Variants in SLC1A1 observed in about 807,000 individuals in gnomAD.
SLC1A1 encodes the protein solute carrier family 1 member 1.
A neutral mutation model predicts 53.3 loss-of-function variants in SLC1A1; 43 were observed. The observed-to-expected ratio is 0.81, with a 90% CI of 0.63 to 1.04. The LOEUF (loss-of-function observed/expected upper bound fraction) is 1.04. Ranked by LOEUF, SLC1A1 falls within the 50% of genes least tolerant of loss-of-function variation. SLC1A1 has a pLI of 0.00. For missense variants in SLC1A1, 748 were observed against 664.9 expected (o/e 1.12, Z -1.37); for synonymous variants, 307 against 243.2 (o/e 1.26, Z -2.44).
chr9:4,557,628 A>AAG, intron 2 of SLC1A1, among the ~76,000 whole-genome samples: 1 of 150,944 alleles, frequency 6.6e-6, no homozygotes, highest in East Asian at 1.9e-4. Flanking sequence ...TCTACAATTA[A>AAG]AAAAAAAAAT....
At chr9:4,536,995 A>G (rs1028981922) in intron 1 of SLC1A1, among the ~76,000 whole-genome samples, 2 of 152,140 alleles carry the variant, frequency 1.3e-5, no homozygotes, top group Admixed American at 1.3e-4. Flanking sequence ...TTGAACAATG[A>G]GAACACTTGG....
chr9:4,496,335 T>G (rs1249301001), intron 1 of SLC1A1, among the ~76,000 whole-genome samples: 1 of 152,024 alleles, frequency 6.6e-6, no homozygotes, highest in Non-Finnish European at 1.5e-5. Context: ...GGCACTTAGG[T>G]GTGAAAGAAT....
chr9:4,562,638 A>C (rs1819063851), intron 3 of SLC1A1, among the ~76,000 whole-genome samples: 1 of 152,062 alleles, frequency 6.6e-6, no homozygotes, highest in Admixed American at 6.6e-5. Context: ...AGAATGCCCA[A>C]TTCCCACCTA....
At chr9:4,516,496 A>C (rs1490546189) in intron 1 of SLC1A1, among the ~76,000 whole-genome samples, 2 of 152,056 alleles carry the variant, frequency 1.3e-5, no homozygotes, top group African/African-American at 4.8e-5. Flanking sequence ...TCAAACCTTT[A>C]CCCGACCCAA....
intron 1 of SLC1A1, among the ~76,000 whole-genome samples, chr9:4,511,796 A>T (rs1030658285): frequency 1.3e-5 from 2 of 152,218 alleles, no homozygotes; most frequent in African/African-American, 4.8e-5. Flanking sequence ...CTATTCACAG[A>T]TGGCATGATT....
At chr9:4,490,836 G>A (rs1427401901) in intron 1 of SLC1A1, 66 bp downstream of exon 1, 1 of 1,365,290 alleles carries the variant, frequency 7.3e-7, no homozygotes, top group Admixed American at 1.9e-5. Flanking sequence ...GGCCGCGTGC[G>A]GCTGAGGGTG....
intron 2 of SLC1A1, among the ~76,000 whole-genome samples, chr9:4,555,774 C>T (rs72691989): frequency 0.041 from 6,313 of 152,266 alleles, 207 homozygotes; most frequent in South Asian, 0.059. Flanking sequence ...CTCTCCTGCT[C>T]ATCTCAATCT....
intron 1 of SLC1A1, among the ~76,000 whole-genome samples, chr9:4,499,726 C>G (rs1031593142): frequency 1.3e-5 from 2 of 152,198 alleles, no homozygotes; most frequent in African/African-American, 4.8e-5. Flanking sequence ...TAGTGGTTGG[C>G]AAATATTGAA....
Position 4,582,263 on chromosome 9 carries a change from A to G in SLC1A1, c.1194-775A>G, listed in dbSNP as rs145041120. The stretch of plus-strand genomic sequence containing the variant: ...CTTACCAAGAGGGATCTTTTTAAAT[A>G]CCTGGTAATAAAGTTCACCTGGCTG... On this transcript the variant is annotated intron_variant, in intron 10 of 11. Coordinates refer to ENST00000262352, the MANE Select transcript of SLC1A1 (RefSeq NM_004170.6). Among the ~76,000 whole-genome samples, 17 of 152,334 alleles carry G rather than the reference A, an allele frequency of 1.1e-4. No individual in the cohort carries two copies. In the East Asian group the frequency reaches 3.1e-3, roughly 28 times the overall value.
intron 1 of SLC1A1, among the ~76,000 whole-genome samples, chr9:4,498,853 T>C (rs1820533011): frequency 6.7e-6 from 1 of 149,058 alleles, no homozygotes; most frequent in African/African-American, 2.5e-5. Flanking sequence ...ATATTGCTTA[T>C]ACTTTCTCTA....
At chr9:4,543,969 A>G (rs1328594987) in intron 1 of SLC1A1, among the ~76,000 whole-genome samples, 1 of 152,190 alleles carries the variant, frequency 6.6e-6, no homozygotes, top group African/African-American at 2.4e-5. Flanking sequence ...ACTTGAGGCC[A>G]GGAGTTCGAG....
intron 1 of SLC1A1, among the ~76,000 whole-genome samples, chr9:4,542,929 A>T (rs557616774): frequency 6.6e-6 from 1 of 152,370 alleles, no homozygotes; most frequent in Non-Finnish European, 1.5e-5. Context: ...AAAATGATTT[A>T]AAATTGTGTA....
rs561424908 is a variant in SLC1A1, at chr9:4,572,542, T to G, written c.767+154T>G. On this transcript the variant is annotated intron_variant, in intron 7 of 11. Transcript: ENST00000262352. ...CAGAGTATTTTGTGGGGGCTTTTGT[T>G]GCTGTTCTTTGTTTTTGTTTTAGAG... is the stretch of plus-strand genomic sequence containing the variant. 2.6e-4 allele frequency among the ~76,000 whole-genome samples: 39 copies of G among 152,304 alleles called. No individual in the cohort carries two copies. The South Asian group carries it at 4.6e-3, about 18-fold the overall frequency.
chr9:4,500,135 C>T (rs554861402), intron 1 of SLC1A1, among the ~76,000 whole-genome samples: 16 of 152,210 alleles, frequency 1.1e-4, no homozygotes, highest in African/African-American at 3.6e-4. Flanking sequence ...AAGCTGTGTT[C>T]GCCTGAGGTA....
chr9:4,554,939 A>T (rs1302826786), intron 2 of SLC1A1, among the ~76,000 whole-genome samples: 1 of 152,206 alleles, frequency 6.6e-6, no homozygotes, highest in Non-Finnish European at 1.5e-5. Flanking sequence ...ATTTACTAAG[A>T]ACACACTGTG....
intron 1 of SLC1A1, among the ~76,000 whole-genome samples, chr9:4,512,391 C>G (rs1821028121): frequency 6.6e-6 from 1 of 151,982 alleles, no homozygotes; most frequent in African/African-American, 2.4e-5. Context: ...GCCTGTAGTC[C>G]CAGCTACTTG....
At chr9:4,551,622 G>A (rs1817936617) in intron 2 of SLC1A1, among the ~76,000 whole-genome samples, 1 of 152,166 alleles carries the variant, frequency 6.6e-6, no homozygotes, top group African/African-American at 2.4e-5. Flanking sequence ...TTGAAACATT[G>A]GTGGTCCATT....
rs1349165816 is a variant in SLC1A1, at chr9:4,561,442, C to T, written c.233-7C>T. 1 of 1,539,460 alleles carries T rather than the reference C, an allele frequency of 6.5e-7. No homozygotes were observed. The highest frequency in any genetic ancestry group is 9.0e-7 in the Non-Finnish European group (1 of 1,112,046). ...TTAATGTAATTTGATTTCTGTCTCC[C>T]CTTCAGGTGTTGCTGCACTGGATTC... On this transcript the variant is annotated splice_region_variant and splice_polypyrimidine_tract_variant and intron_variant, in intron 2 of 11. Transcript: ENST00000262352.
chr9:4,505,523 G>A lies in SLC1A1; in HGVS notation c.91+14753G>A, dbSNP rs528820720. ...AATATCTACAAATAAATAATCTGAG[G>A]ATGTTTCTCAATTCAGCATCAATGC... On this transcript the variant is annotated intron_variant, in intron 1 of 11. Transcript: ENST00000262352. Among the ~76,000 whole-genome samples, 9 of 152,296 alleles carry A rather than the reference G, an allele frequency of 5.9e-5. 1 individual carries two copies. The highest frequency in any genetic ancestry group is 4.6e-4 in the Admixed American group (7 of 15,294).
Sources: gnomAD v4.1 joint callset for allele counts (sites outside exome capture counted in the v4.1 genomes callset) on GRCh38, gnomAD v4.1.1 for gene constraint, MANE v1.5 for transcripts, NCBI Gene and HGNC (gene_info 2026-07-23, HGNC 2026-07-21) for gene names.